ELOVL5: variants seen among roughly 807,000 people sequenced by gnomAD.
The protein encoded by ELOVL5 is very long chain fatty acid elongase 5.
A neutral mutation model predicts 38.6 loss-of-function variants in ELOVL5; 8 were observed. That is an observed-to-expected ratio of 0.21 (90% CI 0.12 to 0.37). The LOEUF (loss-of-function observed/expected upper bound fraction) is 0.37, where lower values mean the gene tolerates loss of function less well. Ranked by LOEUF, ELOVL5 falls within the 10% of genes least tolerant of loss-of-function variation. The pLI, the probability that ELOVL5 is intolerant of heterozygous loss-of-function variation, is 1.00. For synonymous variants in ELOVL5, 127 were observed against 133.7 expected, an observed-to-expected ratio of 0.95 and a Z score of 0.34; for missense variants, 280 against 367.8, an observed-to-expected ratio of 0.76 and a Z score of 1.95.
chr6:53,300,341 G>A (rs1376400659), intron 1 of ELOVL5, among the ~76,000 whole-genome samples: 2 of 152,124 alleles, frequency 1.3e-5, no homozygotes, highest in African/African-American at 2.4e-5. Context: ...CACACCGAGT[G>A]CCTACCACAT....
chr6:53,278,387 TC>T (rs1766220916), intron 3 of ELOVL5, among the ~76,000 whole-genome samples: 1 of 152,034 alleles, frequency 6.6e-6, no homozygotes, highest in Non-Finnish European at 1.5e-5. Context: ...GGCGCCTCAA[TC>T]CCAAAGATGA....
intron 1 of ELOVL5, among the ~76,000 whole-genome samples, chr6:53,299,542 T>C (rs531653340): frequency 2.7e-4 from 41 of 152,294 alleles, no homozygotes; most frequent in Middle Eastern, 3.4e-3. Flanking sequence ...TAGGCTAACA[T>C]CACGGCAACA....
In ELOVL5 at chr6:53,293,868, G is replaced by A. The variant is rs574753203; in HGVS notation, c.58+1774C>T. Among the ~76,000 whole-genome samples the A allele has an allele frequency of 5.0e-4, 76 of 152,294 alleles. 1 individual carries two copies. Among genetic ancestry groups the A allele is most frequent in the African/African-American group, 1.7e-3 (70 of 41,554 alleles). On this transcript the variant is annotated intron_variant, in intron 2 of 7. Transcript: ENST00000304434. Reference sequence around the variant, plus strand: ...ACTAGTTATGCTATGGTCACGGAGGGTGTTACTGTCAGTCCGGCAGAACTG... The same window carrying A: ...ACTAGTTATGCTATGGTCACGGAGGATGTTACTGTCAGTCCGGCAGAACTG...
chr6:53,316,043 T>TA (rs1262390387), intron 1 of ELOVL5, among the ~76,000 whole-genome samples: 20 of 152,224 alleles, frequency 1.3e-4, no homozygotes, highest in African/African-American at 4.3e-4. Flanking sequence ...ATAATGCTTA[T>TA]ACCTCATGGA....
rs191238503 is a variant in ELOVL5, at chr6:53,342,252, C to A, written c.-9+6565G>T. ...TGAAGCAGAAGTACCCTGAATACTA[C>A]CCCTAGGGAGATACATCACATTTCA... is the stretch of plus-strand genomic sequence containing the variant. On this transcript the variant is annotated intron_variant, in intron 1 of 7. Transcript: ENST00000304434. Among the ~76,000 whole-genome samples, 111 of 152,298 alleles carry A rather than the reference C, an allele frequency of 7.3e-4. 1 individual carries two copies. In the South Asian group the frequency reaches 9.5e-3, roughly 13 times the overall value.
At chr6:53,294,394 T>A in intron 2 of ELOVL5, 1 of 1,554,418 alleles carries the variant, frequency 6.4e-7, no homozygotes, top group Non-Finnish European at 8.7e-7. Flanking sequence ...AATGAAACAT[T>A]TTTTCTTCTT....
rs866156263 is a variant in ELOVL5 at position 53,305,302 on chromosome 6, G to A, written c.-8-9595C>T. ...CGGGCAGAGGCGCCCCTCACCTCCC[G>A]GACAGGGCGGCTGGCCGGGCAGGGG... On this transcript the variant is annotated intron_variant, in intron 1 of 7. Coordinates refer to ENST00000304434, the MANE Select transcript of ELOVL5 (RefSeq NM_021814.5). Among the ~76,000 whole-genome samples, 445 of 115,792 alleles carry A rather than the reference G, an allele frequency of 3.8e-3. 5 individuals are homozygous for A. Among genetic ancestry groups the A allele is most frequent in the African/African-American group, 0.015 (424 of 28,186 alleles). 76.0% of individuals were successfully genotyped at this position (115,792 alleles called of 152,430 possible).
rs1297024798 is a variant in ELOVL5 at position 53,348,887 on chromosome 6, C to T, written c.-79G>A. 50 of 454,130 alleles carry T rather than the reference C, an allele frequency of 1.1e-4. No individual in the cohort carries two copies. In the Admixed American group the frequency reaches 1.2e-3, roughly 11 times the overall value. The allele number at this position is 454,130 out of a possible 1,614,324, so 28.1% of individuals were successfully genotyped here. Reference sequence around the variant, plus strand: ...GCGGCGGCGGAGGGAGCGCGGGTGGCAGCCGGCGCAGAGGCGGATGTAGAA... The same window carrying T: ...GCGGCGGCGGAGGGAGCGCGGGTGGTAGCCGGCGCAGAGGCGGATGTAGAA... On this transcript the variant is annotated 5_prime_UTR_variant, in exon 1 of 8. Transcript: ENST00000304434.
At chr6:53,269,807 C>T (rs1160826213) in intron 7 of ELOVL5, among the ~76,000 whole-genome samples, 1 of 152,250 alleles carries the variant, frequency 6.6e-6, no homozygotes, top group East Asian at 1.9e-4. Flanking sequence ...ACAGTGCAGC[C>T]ATAAACTATG....
At chr6:53,273,775 A>G (rs531332818) in intron 5 of ELOVL5, among the ~76,000 whole-genome samples, 5 of 152,362 alleles carry the variant, frequency 3.3e-5, no homozygotes, top group African/African-American at 1.2e-4. Flanking sequence ...TGGGGTGTGG[A>G]GAGGTCTCTG....
intron 1 of ELOVL5, among the ~76,000 whole-genome samples, chr6:53,302,644 C>A (rs191551421): frequency 7.1e-6 from 1 of 140,776 alleles, no homozygotes; most frequent in Non-Finnish European, 1.6e-5. Flanking sequence ...TAAAAATATA[C>A]ATTATAGTAA....
At chr6:53,291,536 T>C (rs911613499) in intron 3 of ELOVL5, among the ~76,000 whole-genome samples, 1 of 152,226 alleles carries the variant, frequency 6.6e-6, no homozygotes, top group East Asian at 1.9e-4. Flanking sequence ...ATACGAAACA[T>C]AATAGAAGAA....
chr6:53,292,163 A>G (rs113473641), intron 2 of ELOVL5, among the ~76,000 whole-genome samples, 200 bp from the exon 3 acceptor site: 1 of 152,220 alleles, frequency 6.6e-6, no homozygotes, highest in Non-Finnish European at 1.5e-5. Flanking sequence ...TCTGAATAAC[A>G]ATGTATTATT....
intron 3 of ELOVL5, among the ~76,000 whole-genome samples, chr6:53,284,852 T>C (rs1469601758): frequency 6.6e-6 from 1 of 152,208 alleles, no homozygotes; most frequent in Non-Finnish European, 1.5e-5. Flanking sequence ...TGAACTTTGA[T>C]GTTACCATTG....
intron 1 of ELOVL5, among the ~76,000 whole-genome samples, chr6:53,324,252 C>CAA (rs59453946): frequency 2.4e-4 from 26 of 110,356 alleles, no homozygotes; most frequent in Admixed American, 5.2e-4. Flanking sequence ...GACTCTACCT[C>CAA]AAAAAAAAAA....
intron 1 of ELOVL5, among the ~76,000 whole-genome samples, chr6:53,300,467 C>CAA (rs34162095): frequency 5.3e-5 from 8 of 151,490 alleles, no homozygotes; most frequent in African/African-American, 1.5e-4. Flanking sequence ...TAACTGTTAG[C>CAA]AAAAAAAATA....
At chr6:53,298,910 G>C (rs1015110717) in intron 1 of ELOVL5, among the ~76,000 whole-genome samples, 5 of 146,844 alleles carry the variant, frequency 3.4e-5, no homozygotes, top group Admixed American at 6.8e-5. Context: ...CGGGGGGGGG[G>C]AGTTGATAAT....
At position 53,269,212 on chromosome 6, in the gene ELOVL5, C is replaced by A; in HGVS notation, c.815G>T (p.Gly272Val). Reference sequence around the variant, plus strand: ...GTGTCCATTCACAGCAGCCATGGACCCATTCTGGTGGTCCTTCAGGTGGTC... The same window carrying A: ...GTGTCCATTCACAGCAGCCATGGACACATTCTGGTGGTCCTTCAGGTGGTC... ...RKDHLKDHQN[G>V]SMAAVNGHTN... The change falls in exon 8 of 8, where the codon GGG (glycine) becomes GTG (valine). Residue 272 changes from glycine (G) to valine (V), a missense_variant. Gly to Val is a moderately radical substitution (Grantham distance 109). Coordinates refer to ENST00000304434, the MANE Select transcript of ELOVL5 (RefSeq NM_021814.5). The A allele has an allele frequency of 6.2e-7, 1 of 1,613,626 alleles. No individual in the cohort carries two copies. Among genetic ancestry groups the A allele is most frequent in the Non-Finnish European group, 8.5e-7 (1 of 1,179,704 alleles).
chr6:53,306,945 C>T (rs1406454645), intron 1 of ELOVL5, among the ~76,000 whole-genome samples: 1 of 152,180 alleles, frequency 6.6e-6, no homozygotes, highest in African/African-American at 2.4e-5. Context: ...CTGACAGTAA[C>T]TAATTAATGC....
Sources: gnomAD v4.1 joint callset for allele counts (sites outside exome capture counted in the v4.1 genomes callset) on GRCh38, gnomAD v4.1.1 for gene constraint, MANE v1.5 for transcripts, NCBI Gene and HGNC (gene_info 2026-07-23, HGNC 2026-07-21) for gene names.